Variants in DNAL1 observed in about 807,000 individuals in gnomAD.
DNAL1 encodes chromosome 14 open reading frame 168.
Under a neutral mutation model 29.4 loss-of-function variants are expected in DNAL1, and 17 were observed. That is an observed-to-expected ratio of 0.58 (90% CI 0.40 to 0.87). The LOEUF (loss-of-function observed/expected upper bound fraction) is 0.87. Among genes scored for constraint, DNAL1 ranks in the 40% least tolerant of loss-of-function variants. The pLI, the probability that DNAL1 is intolerant of heterozygous loss-of-function variation, is 0.00. For missense variants in DNAL1, 188 were observed against 214.1 expected (o/e 0.88, Z 0.76); for synonymous variants, 78 against 76.3 (o/e 1.02, Z -0.12).
At position 73,699,638 on chromosome 14, in the gene DNAL1, GA is replaced by G. The variant is rs1040377111; in HGVS notation, c.*3699del. On this transcript the variant is annotated 3_prime_UTR_variant, in exon 8 of 8. Transcript: ENST00000553645. The stretch of plus-strand genomic sequence containing the variant: ...TTTTCATAATTTTCATGTAATATTA[GA>G]AACTCAGGGCTGGAAGGTTCAACTT... 9 of 152,130 alleles carry G rather than the reference GA, an allele frequency of 5.9e-5. No individual in the cohort carries two copies. The highest frequency in any genetic ancestry group is 1.9e-4 in the African/African-American group (8 of 41,422). The allele number at this position is 152,130 out of a possible 1,614,324, so 9.4% of individuals were successfully genotyped here. A position where few individuals can be genotyped will look rare whatever the true frequency, so the allele number is the denominator to read the frequency against.
chr14:73,675,531 C>T (rs1398941465), intron 5 of DNAL1, among the ~76,000 whole-genome samples: 1 of 151,554 alleles, frequency 6.6e-6, no homozygotes, highest in Non-Finnish European at 1.5e-5. Context: ...TGGTCTTGAA[C>T]TCCTGGCCTC....
Position 73,700,400 on chromosome 14 carries a change from A to G in DNAL1, c.*4458A>G, listed in dbSNP as rs1435792605. On this transcript the variant is annotated 3_prime_UTR_variant, in exon 8 of 8. Coordinates refer to ENST00000553645, the MANE Select transcript of DNAL1 (RefSeq NM_031427.4). ...TTCTTTTGTGGAAAGAGGAATTTGA[A>G]CTTGAATAAACACTTCTTTTGACAC... The G allele has an allele frequency of 6.6e-6, 1 of 152,160 alleles. No individual in the cohort carries two copies. Among genetic ancestry groups the G allele is most frequent in the African/African-American group, 2.4e-5 (1 of 41,432 alleles). 9.4% of individuals were successfully genotyped at this position (152,160 alleles called of 1,614,324 possible). A position where few individuals can be genotyped will look rare whatever the true frequency, so the allele number is the denominator to read the frequency against.
intron 5 of DNAL1, among the ~76,000 whole-genome samples, chr14:73,681,108 T>G (rs1283201954): frequency 6.6e-6 from 1 of 150,534 alleles, no homozygotes; most frequent in South Asian, 2.1e-4. Flanking sequence ...GTTGTTGTTA[T>G]TTGTTGTTGT....
chr14:73,662,103 G>A (rs531561298), intron 4 of DNAL1, 61 bp downstream of exon 4: 745 of 1,382,230 alleles, frequency 5.4e-4, no homozygotes, highest in African/African-American at 7.1e-4. Context: ...TAAACATTCC[G>A]GAGACAATAT....
chr14:73,671,924 G>T (rs1891623188), intron 5 of DNAL1, among the ~76,000 whole-genome samples: 1 of 152,148 alleles, frequency 6.6e-6, no homozygotes, highest in African/African-American at 2.4e-5. Context: ...GCAATTTCAG[G>T]AAAGATGAAG....
intron 1 of DNAL1, among the ~76,000 whole-genome samples, chr14:73,646,060 CTT>C (rs1233553462): frequency 6.6e-6 from 1 of 152,200 alleles, no homozygotes; most frequent in Non-Finnish European, 1.5e-5. Flanking sequence ...AAATACCACT[CTT>C]TAAAAAGTAG....
intron 5 of DNAL1, among the ~76,000 whole-genome samples, chr14:73,682,572 A>G (rs1370889498): frequency 6.6e-6 from 1 of 151,910 alleles, no homozygotes; most frequent in Non-Finnish European, 1.5e-5. Context: ...CACATTGTAT[A>G]GTAGTATAAA....
chr14:73,645,615 T>A (rs1016452655), intron 1 of DNAL1, among the ~76,000 whole-genome samples: 1 of 152,190 alleles, frequency 6.6e-6, no homozygotes, highest in African/African-American at 2.4e-5. Flanking sequence ...GAATGCAGAT[T>A]GTGAATTTTT....
chr14:73,685,170 G>A (rs181727193), intron 5 of DNAL1, among the ~76,000 whole-genome samples: 2 of 152,178 alleles, frequency 1.3e-5, no homozygotes, highest in African/African-American at 4.8e-5. Context: ...TAAGTGTATA[G>A]TTCAGTGGTA....
At chr14:73,672,759 A>G (rs900366267) in intron 5 of DNAL1, among the ~76,000 whole-genome samples, 2 of 141,978 alleles carry the variant, frequency 1.4e-5, no homozygotes, top group Non-Finnish European at 3.1e-5. Flanking sequence ...TAAAAATTTG[A>G]TTTTTTTTTT....
intron 5 of DNAL1, among the ~76,000 whole-genome samples, chr14:73,681,605 C>CAAAA (rs71112792): frequency 1.5e-4 from 8 of 52,878 alleles, no homozygotes; most frequent in Non-Finnish European, 2.3e-4. Context: ...CCATCTCTAC[C>CAAAA]AAAAAAAAAA....
At chr14:73,689,128 G>A (rs1892100217) in intron 6 of DNAL1, among the ~76,000 whole-genome samples, 1 of 149,070 alleles carries the variant, frequency 6.7e-6, no homozygotes, top group Admixed American at 6.8e-5. Flanking sequence ...CCGTCTCCCG[G>A]GTTCAAGCAG....
rs1158299457 is a variant in DNAL1, at chr14:73,689,466, C to T, written c.483C>T (p.Asn161=). The T allele has an allele frequency of 1.9e-6, 3 of 1,577,736 alleles. No individual in the cohort carries two copies. Among genetic ancestry groups the T allele is most frequent in the Non-Finnish European group, 2.6e-6 (3 of 1,161,446 alleles). The change falls in exon 7 of 8, where the codon AAC becomes AAT. Residue 161 remains asparagine (N), a synonymous_variant. Coordinates refer to ENST00000553645, the MANE Select transcript of DNAL1 (RefSeq NM_031427.4). The part of the protein sequence containing the change: ...PLEEKHSAEN[N]WIEEATKRVP... Reference sequence around the variant, plus strand: ...AAGAGAAACATTCTGCTGAGAATAACTGGATTGAAGAAGCAACCAAGAGAG... The same window carrying T: ...AAGAGAAACATTCTGCTGAGAATAATTGGATTGAAGAAGCAACCAAGAGAG...
chr14:73,669,144 T>C (rs539601864), intron 4 of DNAL1, among the ~76,000 whole-genome samples: 14 of 152,262 alleles, frequency 9.2e-5, no homozygotes, highest in African/African-American at 3.4e-4. Flanking sequence ...AATTACCTTT[T>C]TCTTTTTTTC....
chr14:73,696,150 CT>C lies in DNAL1; in HGVS notation c.*213del. The C allele has an allele frequency of 2.1e-6, 1 of 475,020 alleles. No individual in the cohort carries two copies. The highest frequency in any genetic ancestry group is 3.6e-6 in the Non-Finnish European group (1 of 274,048). The allele number at this position is 475,020 out of a possible 1,614,324, so 29.4% of individuals were successfully genotyped here. On this transcript the variant is annotated 3_prime_UTR_variant, in exon 8 of 8. Transcript: ENST00000553645. ...TGCCAACCTTATATATCCTATTTCT[CT>C]TTTTAGAAACCACAAATTTTCGATT...
At chr14:73,677,250 A>G (rs1025292305) in intron 5 of DNAL1, among the ~76,000 whole-genome samples, 1 of 151,792 alleles carries the variant, frequency 6.6e-6, no homozygotes. Context: ...GATTACAGGC[A>G]TGAGCCACCG....
intron 1 of DNAL1, among the ~76,000 whole-genome samples, chr14:73,646,462 C>T (rs929432817): frequency 7.4e-6 from 1 of 135,358 alleles, no homozygotes; most frequent in Non-Finnish European, 1.8e-5. Context: ...CATAGAAAAG[C>T]GGCCAGGGTG....
intron 3 of DNAL1, 111 bp from the exon 4 acceptor site, chr14:73,661,876 T>TG: frequency 1.6e-6 from 1 of 640,422 alleles, no homozygotes; most frequent in Non-Finnish European, 2.6e-6. Context: ...TATGATTGAG[T>TG]GGGGAAAATA....
intron 5 of DNAL1, among the ~76,000 whole-genome samples, chr14:73,677,915 T>TGTGA (rs1228173059): frequency 2.2e-5 from 3 of 137,158 alleles, no homozygotes; most frequent in Non-Finnish European, 4.7e-5. Flanking sequence ...TGTGTGTGTG[T>TGTGA]GATGGTGGTC....
Sources: allele counts gnomAD v4.1 joint callset (sites outside exome capture counted in the v4.1 genomes callset), GRCh38; gene constraint gnomAD v4.1.1; transcripts MANE v1.5; gene names NCBI Gene and HGNC (gene_info 2026-07-23, HGNC 2026-07-21).